NLGN1: variants seen among roughly 807,000 people sequenced by gnomAD.
NLGN1 encodes neuroligin 1, also known as neuroligin-1.
NLGN1 carries 12 observed loss-of-function variants against 65.5 expected under a neutral mutation model. The observed-to-expected ratio is 0.18, with a 90% CI of 0.12 to 0.30. The LOEUF is 0.30. Among genes scored for constraint, NLGN1 ranks in the 10% least tolerant of loss-of-function variants. The pLI is 1.00. For synonymous variants in NLGN1, 350 were observed against 359.5 expected (o/e 0.97, Z 0.30); for missense variants, 750 against 1,007.1 (o/e 0.74, Z 3.46).
intron 3 of NLGN1, among the ~76,000 whole-genome samples, chr3:173,645,222 G>C (rs952547918): frequency 6.6e-5 from 10 of 152,240 alleles, no homozygotes; most frequent in African/African-American, 2.2e-4. Flanking sequence ...TGGGCAGCCA[G>C]GAGGCTTCTT....
intron 4 of NLGN1, among the ~76,000 whole-genome samples, chr3:174,058,618 A>G (rs1193487951): frequency 6.6e-6 from 1 of 152,148 alleles, no homozygotes; most frequent in African/African-American, 2.4e-5. Flanking sequence ...AAGAATTTGT[A>G]TCATAAATCA....
chr3:173,596,807 A>G (rs938057083), intron 2 of NLGN1, among the ~76,000 whole-genome samples: 1 of 152,026 alleles, frequency 6.6e-6, no homozygotes, highest in South Asian at 2.1e-4. Context: ...CTTGGTTTTA[A>G]TTGTTTTATA....
chr3:173,814,832 CATAG>C lies in NLGN1; in HGVS notation c.646+7004_646+7007del, dbSNP rs200092133. Among the ~76,000 whole-genome samples, 547 of 152,188 alleles carry C rather than the reference CATAG, an allele frequency of 3.6e-3. 2 individuals carry two copies. The highest frequency in any genetic ancestry group is 0.013 in the African/African-American group (522 of 41,530). Reference sequence around the variant, plus strand: ...ATAATTAAACAAATCATATAGTTTACATAGATAACGATTGAATGCAAAGTTAATT... The same window carrying C: ...ATAATTAAACAAATCATATAGTTTACATAACGATTGAATGCAAAGTTAATT... On this transcript the variant is annotated intron_variant, in intron 4 of 6. Transcript: ENST00000457714.
At chr3:173,980,251 A>G (rs1430855067) in intron 4 of NLGN1, among the ~76,000 whole-genome samples, 1 of 152,084 alleles carries the variant, frequency 6.6e-6, no homozygotes, top group African/African-American at 2.4e-5. Flanking sequence ...AACAAAAGTA[A>G]CATTATCTTA....
chr3:173,636,697 T>A (rs1577665272), intron 3 of NLGN1, among the ~76,000 whole-genome samples: 1 of 152,250 alleles, frequency 6.6e-6, no homozygotes, highest in South Asian at 2.1e-4. Context: ...TGGGAAATAG[T>A]TGTATGGGGA....
At chr3:173,406,129 C>A (rs913282937) in intron 1 of NLGN1, among the ~76,000 whole-genome samples, 2 of 151,850 alleles carry the variant, frequency 1.3e-5, no homozygotes, top group Non-Finnish European at 2.9e-5. Context: ...AACTGTTAAG[C>A]AATGCAGAAG....
At chr3:173,556,306 T>G (rs1741696819) in intron 2 of NLGN1, among the ~76,000 whole-genome samples, 1 of 152,324 alleles carries the variant, frequency 6.6e-6, no homozygotes, top group African/African-American at 2.4e-5. Context: ...CTTGGCTATA[T>G]ATGCTCTTCT....
chr3:173,415,440 GA>G (rs1713478456), intron 1 of NLGN1, among the ~76,000 whole-genome samples: 1 of 152,196 alleles, frequency 6.6e-6, no homozygotes, highest in Non-Finnish European at 1.5e-5. Flanking sequence ...GGAAAAAGTA[GA>G]ATGGAAAGAA....
chr3:174,180,676 A>T (rs532801776), intron 4 of NLGN1: 19 of 152,286 alleles, frequency 1.2e-4, no homozygotes, highest in Admixed American at 6.5e-4. Flanking sequence ...TTAGGAATTC[A>T]GTTAATTCTT....
At chr3:174,147,358 C>T (rs561120214) in intron 4 of NLGN1, among the ~76,000 whole-genome samples, 2 of 149,198 alleles carry the variant, frequency 1.3e-5, no homozygotes, top group East Asian at 4.0e-4. Flanking sequence ...TCCATTGTTG[C>T]CAGTGCTTCT....
At chr3:173,497,351 G>A (rs1244236012) in intron 2 of NLGN1, among the ~76,000 whole-genome samples, 1 of 150,960 alleles carries the variant, frequency 6.6e-6, no homozygotes, top group African/African-American at 2.4e-5. Context: ...GCATGCCACT[G>A]CACTCCAGCC....
At chr3:173,473,014 T>C (rs918100733) in intron 2 of NLGN1, among the ~76,000 whole-genome samples, 1 of 152,176 alleles carries the variant, frequency 6.6e-6, no homozygotes, top group Non-Finnish European at 1.5e-5. Flanking sequence ...AAAAGATAAA[T>C]ATATTGAGGA....
intron 2 of NLGN1, among the ~76,000 whole-genome samples, chr3:173,448,704 G>A (rs1720870118): frequency 6.6e-6 from 1 of 152,038 alleles, no homozygotes; most frequent in Non-Finnish European, 1.5e-5. Context: ...GGCTTTTTTT[G>A]GTTGGTAAGC....
intron 4 of NLGN1, among the ~76,000 whole-genome samples, chr3:173,991,211 A>G (rs1273120749): frequency 6.6e-6 from 1 of 152,128 alleles, no homozygotes; most frequent in Admixed American, 6.6e-5. Context: ...CCACCTGTTT[A>G]CCCCTTCATT....
At chr3:173,743,235 G>A (rs1238750597) in intron 3 of NLGN1, among the ~76,000 whole-genome samples, 3 of 152,102 alleles carry the variant, frequency 2.0e-5, no homozygotes, top group Non-Finnish European at 4.4e-5. Context: ...TATCATTAAT[G>A]TTTGATAATG....
At chr3:174,131,190 T>C (rs1285221351) in intron 4 of NLGN1, among the ~76,000 whole-genome samples, 1 of 152,158 alleles carries the variant, frequency 6.6e-6, no homozygotes, top group Non-Finnish European at 1.5e-5. Flanking sequence ...ACGAAATACA[T>C]GGAAAATGAG....
At chr3:173,652,830 T>G (rs1759419567) in intron 3 of NLGN1, among the ~76,000 whole-genome samples, 1 of 152,186 alleles carries the variant, frequency 6.6e-6, no homozygotes, top group Non-Finnish European at 1.5e-5. Flanking sequence ...GTAGATTGCT[T>G]TAGGCACTAT....
chr3:173,837,227 C>T (rs1723794763), intron 4 of NLGN1, among the ~76,000 whole-genome samples: 1 of 152,066 alleles, frequency 6.6e-6, no homozygotes. Flanking sequence ...CTTGCTGGCT[C>T]AGACTACAGC....
At chr3:173,642,619 GA>G (rs1201149780) in intron 3 of NLGN1, among the ~76,000 whole-genome samples, 1 of 152,112 alleles carries the variant, frequency 6.6e-6, no homozygotes, top group Non-Finnish European at 1.5e-5. Flanking sequence ...TGCCTTGGTG[GA>G]AAGTAATTAA....
Sources: gnomAD v4.1 joint callset for allele counts (sites outside exome capture counted in the v4.1 genomes callset) on GRCh38, gnomAD v4.1.1 for gene constraint, MANE v1.5 for transcripts, NCBI Gene and HGNC (gene_info 2026-07-23, HGNC 2026-07-21) for gene names.